ATP11C: variants seen among roughly 807,000 people sequenced by gnomAD.
ATP11C encodes ATPase phospholipid transporting 11C (ATP11C blood group).
Under a neutral mutation model 97.4 loss-of-function variants are expected in ATP11C, and 36 were observed. The ratio of observed to expected loss-of-function variants is 0.37; its 90% CI spans 0.28 to 0.49. The LOEUF (loss-of-function observed/expected upper bound fraction) is 0.49. Among genes scored for constraint, ATP11C ranks in the 20% least tolerant of loss-of-function variants. The pLI, the probability that ATP11C is intolerant of heterozygous loss-of-function variation, is 0.98. For synonymous variants in ATP11C, 275 were observed against 290.9 expected (o/e 0.95, Z 0.56); for missense variants, 730 against 824.6 (o/e 0.89, Z 1.40).
intron 1 of ATP11C, among the ~76,000 whole-genome samples, chrX:139,896,123 A>C (rs1226651553): frequency 8.9e-6 from 1 of 111,732 alleles, no homozygotes; most frequent in Non-Finnish European, 1.9e-5. Context: ...ATCAATACAA[A>C]TCATTTTTAA....
intron 1 of ATP11C, among the ~76,000 whole-genome samples, chrX:139,898,433 G>A (rs943584935): frequency 1.8e-5 from 2 of 111,530 alleles, no homozygotes; most frequent in Non-Finnish European, 3.8e-5. Context: ...TTCTTACCAA[G>A]CAAAGAAATC....
At chrX:139,827,712 C>A (rs1189346400) in intron 1 of ATP11C, among the ~76,000 whole-genome samples, 2 of 111,366 alleles carry the variant, frequency 1.8e-5, no homozygotes, top group African/African-American at 6.5e-5. Context: ...TTTTTTAGAA[C>A]TATAATTCCC....
In ATP11C at chrX:139,875,761, T is replaced by C. The variant is rs111805905; in HGVS notation, c.28-48938A>G. ...GTCCCTGTGATGTGTACTATACAGA[T>C]ATTATCTCATAAAATTGTTAGAGGA... On this transcript the variant is annotated intron_variant, in intron 1 of 29. Coordinates refer to ENST00000682941, the MANE Select transcript of ATP11C (RefSeq NM_001353812.2). Among the ~76,000 whole-genome samples the C allele has an allele frequency of 3.0e-3, 341 of 112,049 alleles. 2 individuals are homozygous for C. The highest frequency in any genetic ancestry group is 9.2e-3 in the African/African-American group (283 of 30,849).
chrX:139,764,466 T>C (rs954809458), intron 20 of ATP11C, among the ~76,000 whole-genome samples: 2 of 112,870 alleles, frequency 1.8e-5, no homozygotes, highest in Admixed American at 9.3e-5. Flanking sequence ...GGGAAGTGCA[T>C]TGGGTGATCA....
chrX:139,742,533 A>T (rs935967181), intron 26 of ATP11C, among the ~76,000 whole-genome samples: 4 of 111,548 alleles, frequency 3.6e-5, no homozygotes, highest in Non-Finnish European at 7.5e-5. Flanking sequence ...TATACTTCTG[A>T]ATTCTGCTTC....
At chrX:139,901,655 ATATAGAAGATATTG>A (rs1483613890) in intron 1 of ATP11C, among the ~76,000 whole-genome samples, 1 of 111,761 alleles carries the variant, frequency 8.9e-6, no homozygotes, top group Non-Finnish European at 1.9e-5. Context: ...CCATAAAAAA[ATATAGAAGATATTG>A]TATAGATTTG....
chrX:139,837,029 G>C (rs1392154254), intron 1 of ATP11C, among the ~76,000 whole-genome samples: 2 of 110,754 alleles, frequency 1.8e-5, no homozygotes, highest in African/African-American at 6.6e-5. Flanking sequence ...CACACACACA[G>C]GGACAGGGAG....
At chrX:139,760,516 G>A (rs1260445285) in intron 22 of ATP11C, among the ~76,000 whole-genome samples, 2 of 111,638 alleles carry the variant, frequency 1.8e-5, no homozygotes, top group African/African-American at 6.5e-5. Context: ...ATAAAATATA[G>A]GGTATGAAAT....
intron 23 of ATP11C, among the ~76,000 whole-genome samples, chrX:139,756,968 TAAAA>T (rs756085784): frequency 2.7e-5 from 1 of 37,266 alleles, no homozygotes; most frequent in Non-Finnish European, 5.3e-5. Flanking sequence ...AACCTAAAAG[TAAAA>T]AAAAAAAAAA....
At chrX:139,874,226 T>C (rs894844683) in intron 1 of ATP11C, among the ~76,000 whole-genome samples, 2 of 98,762 alleles carry the variant, frequency 2.0e-5, no homozygotes, top group African/African-American at 3.7e-5. Flanking sequence ...TTTTTTTTTT[T>C]TTTTTGTATT....
At chrX:139,841,072 A>T (rs1165192273) in intron 1 of ATP11C, among the ~76,000 whole-genome samples, 2 of 112,755 alleles carry the variant, frequency 1.8e-5, no homozygotes, top group Admixed American at 9.4e-5. Flanking sequence ...GTGTGATATA[A>T]CATTATCTTT....
intron 18 of ATP11C, among the ~76,000 whole-genome samples, chrX:139,778,855 C>T (rs2082399209): frequency 9.0e-6 from 1 of 111,140 alleles, no homozygotes; most frequent in African/African-American, 3.3e-5. Context: ...CCATCTCAGG[C>T]GTAATGATGA....
intron 18 of ATP11C, among the ~76,000 whole-genome samples, chrX:139,778,835 T>G (rs1397568736): frequency 2.3e-4 from 26 of 110,838 alleles, no homozygotes; most frequent in Non-Finnish European, 7.6e-5. Context: ...TCTCAAAAAC[T>G]TCAACAGACC....
intron 6 of ATP11C, among the ~76,000 whole-genome samples, chrX:139,802,656 TAC>T (rs1286107981): frequency 1.8e-5 from 2 of 111,919 alleles, no homozygotes; most frequent in Non-Finnish European, 3.8e-5. Flanking sequence ...AAAAAGTTAA[TAC>T]ATTTATTTTT....
At chrX:139,852,538 C>T (rs916725064) in intron 1 of ATP11C, among the ~76,000 whole-genome samples, 2 of 91,103 alleles carry the variant, frequency 2.2e-5, no homozygotes, top group African/African-American at 7.9e-5. Flanking sequence ...TGACTCTGTG[C>T]GCAGACCAAG....
intron 2 of ATP11C, 99 bp downstream of exon 2, chrX:139,826,605 T>C (rs1245908786): frequency 1.6e-5 from 11 of 687,840 alleles, no homozygotes; most frequent in African/African-American, 4.4e-5. Flanking sequence ...CAAATACATG[T>C]ACACATACAT....
At chrX:139,800,458 A>G (rs1176170310) in intron 7 of ATP11C, among the ~76,000 whole-genome samples, 1 of 112,054 alleles carries the variant, frequency 8.9e-6, no homozygotes, top group Non-Finnish European at 1.9e-5. Flanking sequence ...ATGTGAAGAA[A>G]GGTTTCTGGT....
chrX:139,783,143 G>A (rs1397183158), intron 17 of ATP11C, 21 bp downstream of exon 17: 4 of 1,044,719 alleles, frequency 3.8e-6, no homozygotes, highest in Non-Finnish European at 5.3e-6. Flanking sequence ...CTTATTGGTG[G>A]GGGAAGGAGT....
chrX:139,916,974 T>C (rs1486756688), intron 1 of ATP11C, among the ~76,000 whole-genome samples: 1 of 111,396 alleles, frequency 9.0e-6, no homozygotes, highest in African/African-American at 3.3e-5. Flanking sequence ...CTCATGTACA[T>C]GGTCAAATGA....
Sources: gnomAD v4.1 joint callset for allele counts (sites outside exome capture counted in the v4.1 genomes callset) on GRCh38, gnomAD v4.1.1 for gene constraint, MANE v1.5 for transcripts, NCBI Gene and HGNC (gene_info 2026-07-23, HGNC 2026-07-21) for gene names.